The following TPTE2 variants were observed in gnomAD, a reference collection of about 807,000 sequenced individuals.
TPTE2 encodes the protein phosphatidylinositol 3,4,5-trisphosphate 3-phosphatase TPTE2.
In TPTE2, 53 loss-of-function variants were observed where a neutral mutation model predicts 78.6. That is an observed-to-expected ratio of 0.67 (90% confidence interval 0.54 to 0.85). TPTE2 has a LOEUF of 0.85. TPTE2 is among the 40% of genes least tolerant of loss of function. TPTE2 has a pLI of 0.00. For missense variants in TPTE2, 461 were observed against 623.0 expected, an observed-to-expected ratio of 0.74 and a Z score of 2.77; for synonymous variants, 175 against 206.2, an observed-to-expected ratio of 0.85 and a Z score of 1.30.
chr13:19,530,191 A>C (rs1023315698), intron 1 of TPTE2, among the ~76,000 whole-genome samples: 5 of 152,212 alleles, frequency 3.3e-5, no homozygotes, highest in Non-Finnish European at 7.3e-5. Context: ...TGCACCACTT[A>C]GCAAATTTCA....
exon 3 of TPTE2, chr13:19,492,860 T>G: frequency 6.2e-7 from 1 of 1,613,940 alleles, no homozygotes; most frequent in East Asian, 2.2e-5. Flanking sequence ...CTTTTACTGA[T>G]AGGTGACACC....
At chr13:19,530,805 G>A (rs552623321) in intron 1 of TPTE2, among the ~76,000 whole-genome samples, 14 of 152,212 alleles carry the variant, frequency 9.2e-5, no homozygotes, top group African/African-American at 3.1e-4. Context: ...GATTACAGAT[G>A]TAGGCCACCT....
intron 6 of TPTE2, among the ~76,000 whole-genome samples, chr13:19,468,701 A>T (rs1296814993): frequency 1.1e-4 from 16 of 152,190 alleles, no homozygotes; most frequent in Admixed American, 9.8e-4. Context: ...TTTGGATATA[A>T]ACCATTTTAG....
upstream of TPTE2, among the ~76,000 whole-genome samples, chr13:19,537,245 T>C (rs896985829): frequency 6.6e-6 from 1 of 151,442 alleles, no homozygotes; most frequent in Non-Finnish European, 1.5e-5. Context: ...TTTTTTTTTT[T>C]TTTTTGAGAT....
chr13:19,493,277 T>C (rs1444088023), intron 2 of TPTE2, among the ~76,000 whole-genome samples, 171 bp downstream of exon 5: 3 of 151,978 alleles, frequency 2.0e-5, no homozygotes, highest in Non-Finnish European at 4.4e-5. Flanking sequence ...GTTTCCATCA[T>C]GTGCATGGAT....
chr13:19,467,984 GATCTCTAGTTCC>G (rs886402681), intron 6 of TPTE2, among the ~76,000 whole-genome samples: 13 of 129,834 alleles, frequency 1.0e-4, no homozygotes, highest in African/African-American at 3.7e-4. Flanking sequence ...CAAACATAGT[GATCTCTAGTTCC>G]ATCCATGTTG....
At chr13:19,503,076 A>G (rs376565485) in intron 1 of TPTE2, 148 bp downstream of exon 4, 21 of 1,099,280 alleles carry the variant, frequency 1.9e-5, no homozygotes, top group East Asian at 1.6e-4. Flanking sequence ...CACTGTGTGC[A>G]TGGGTTAGTG....
intron 1 of TPTE2, among the ~76,000 whole-genome samples, chr13:19,516,283 C>T (rs1043560354): frequency 2.0e-5 from 3 of 152,182 alleles, no homozygotes; most frequent in Non-Finnish European, 4.4e-5. Flanking sequence ...CAAGCAGGCA[C>T]AGTACATAAG....
intron 4 of TPTE2, among the ~76,000 whole-genome samples, chr13:19,478,965 C>T (rs1031110809): frequency 6.6e-6 from 1 of 152,022 alleles, no homozygotes; most frequent in Non-Finnish European, 1.5e-5. Context: ...ACAATGAGAA[C>T]CCTTGGACAA....
chr13:19,533,857 G>A (rs1459975885), intron 1 of TPTE2, among the ~76,000 whole-genome samples: 9 of 152,306 alleles, frequency 5.9e-5, no homozygotes, highest in Non-Finnish European at 8.8e-5. Context: ...CACTCAGAGC[G>A]TTTCTCTTTG....
intron 10 of TPTE2, among the ~76,000 whole-genome samples, chr13:19,457,538 C>A (rs1252538424): frequency 2.0e-5 from 3 of 152,086 alleles, no homozygotes; most frequent in African/African-American, 7.2e-5. Context: ...CCTCCCTCCC[C>A]ACAGGCCCCA....
chr13:19,428,173 G>T (rs766802728), intron 17 of TPTE2, among the ~76,000 whole-genome samples: 1 of 152,218 alleles, frequency 6.6e-6, no homozygotes, highest in Non-Finnish European at 1.5e-5. Context: ...AATGGGCCAG[G>T]TGCGGTGGCT....
intron 1 of TPTE2, among the ~76,000 whole-genome samples, chr13:19,523,426 C>A (rs762130232): frequency 6.6e-5 from 10 of 152,036 alleles, no homozygotes; most frequent in Admixed American, 2.0e-4. Context: ...TTGAAGGTTC[C>A]TAGCTTGCCA....
chr13:19,471,512 A>G (rs999778446), intron 6 of TPTE2, among the ~76,000 whole-genome samples: 12 of 152,270 alleles, frequency 7.9e-5, no homozygotes, highest in Middle Eastern at 3.4e-3. Context: ...TTTTAATCTT[A>G]TAACAGTTTT....
intron 4 of TPTE2, among the ~76,000 whole-genome samples, 189 bp downstream of exon 7, chr13:19,482,299 G>A (rs1317335354): frequency 6.6e-6 from 1 of 151,974 alleles, no homozygotes; most frequent in Non-Finnish European, 1.5e-5. Flanking sequence ...TGAATGGATG[G>A]AATTTTTTTT....
chr13:19,444,980 T>A (rs2137516402), intron 13 of TPTE2, among the ~76,000 whole-genome samples: 1 of 152,176 alleles, frequency 6.6e-6, no homozygotes, highest in South Asian at 2.1e-4. Context: ...ATAAATCAAG[T>A]TTAAAAGGAA....
intron 3 of TPTE2, among the ~76,000 whole-genome samples, chr13:19,483,012 C>T (rs1880451309): frequency 6.6e-6 from 1 of 152,200 alleles, no homozygotes. Flanking sequence ...GTTAAGTTTG[C>T]AATGGCATTA....
rs540385698 is a variant in TPTE2 at position 19,473,566 on chromosome 13, G to A, written c.392+348C>T. Among the ~76,000 whole-genome samples, 948 of 140,642 alleles carry A rather than the reference G, an allele frequency of 6.7e-3. 11 individuals carry two copies. Among genetic ancestry groups the A allele is most frequent in the African/African-American group, 0.029 (923 of 31,524 alleles). The allele number at this position is 140,642 out of a possible 152,430, so 92.3% of individuals were successfully genotyped here. A position where few individuals can be genotyped will look rare whatever the true frequency, so the allele number is the denominator to read the frequency against. ...CCCAAAGGCTCTTAAGTCAGTTTGT[G>A]GTGAATGCTCCTGTTAATTATTTTA... On this transcript the variant is annotated intron_variant, in intron 6 of 19. Transcript: ENST00000400230.
At chr13:19,453,538 C>CATATATATAT (rs56140648) in intron 10 of TPTE2, among the ~76,000 whole-genome samples, 5,653 of 139,558 alleles carry the variant, frequency 0.041, 165 homozygotes, top group Admixed American at 0.05. Flanking sequence ...ATTTTATAAT[C>CATATATATAT]ATATATATAT....
Sources: gnomAD v4.1 joint callset for allele counts (sites outside exome capture counted in the v4.1 genomes callset) on GRCh38, gnomAD v4.1.1 for gene constraint, MANE v1.5 for transcripts, NCBI Gene and HGNC (gene_info 2026-07-23, HGNC 2026-07-21) for gene names.